MIB1: variants seen among roughly 807,000 people sequenced by gnomAD.
The protein encoded by MIB1 is MIB E3 ubiquitin protein ligase 1.
A neutral mutation model predicts 124.5 loss-of-function variants in MIB1; 278 were observed. That is an observed-to-expected ratio of 2.23 (90% CI 2.02 to 2.47). The LOEUF (loss-of-function observed/expected upper bound fraction) is 2.47, where lower values mean the gene tolerates loss of function less well. Among genes scored for constraint, MIB1 ranks in the 30% most tolerant of loss-of-function variants. The pLI is 0.00. For synonymous variants in MIB1, 446 were observed against 429.4 expected, an observed-to-expected ratio of 1.04 and a Z score of -0.48; for missense variants, 957 against 1,254.4, an observed-to-expected ratio of 0.76 and a Z score of 3.58.
At chr18:21,836,484 C>T (rs2042034159) in intron 12 of MIB1, among the ~76,000 whole-genome samples, 2 of 151,994 alleles carry the variant, frequency 1.3e-5, no homozygotes, top group South Asian at 4.1e-4. Flanking sequence ...CTGCGTCATC[C>T]CTCCTTACCC....
chr18:21,778,310 T>G, intron 5 of MIB1, 141 bp downstream of exon 5: 1 of 533,588 alleles, frequency 1.9e-6, no homozygotes, highest in South Asian at 3.0e-5. Context: ...CCTTTGGTCT[T>G]AAAGTATTTT....
chr18:21,738,831 A>C (rs1349502525), upstream of MIB1, among the ~76,000 whole-genome samples: 17 of 42,100 alleles, frequency 4.0e-4, no homozygotes, highest in African/African-American at 1.4e-3. Flanking sequence ...AAAAAAAAAA[A>C]AAAAAAAAAA....
intron 1 of MIB1, among the ~76,000 whole-genome samples, chr18:21,761,872 G>A (rs2041101443): frequency 6.6e-6 from 1 of 152,058 alleles, no homozygotes; most frequent in Admixed American, 6.6e-5. Flanking sequence ...TTCTAAGCAC[G>A]AAGCCTCAGA....
At chr18:21,760,454 A>G (rs1421866303) in intron 1 of MIB1, among the ~76,000 whole-genome samples, 2 of 152,130 alleles carry the variant, frequency 1.3e-5, no homozygotes, top group African/African-American at 2.4e-5. Flanking sequence ...CTTTGTTTAC[A>G]TTTTTCAATT....
At chr18:21,738,933 G>C (rs992768677), upstream of MIB1, among the ~76,000 whole-genome samples, 13 of 143,084 alleles carry the variant, frequency 9.1e-5, no homozygotes, top group Non-Finnish European at 1.5e-4. Context: ...AAATAACTAA[G>C]ATCAGAGCAG....
chr18:21,816,980 G>A (rs2041835248), intron 11 of MIB1, among the ~76,000 whole-genome samples: 1 of 151,886 alleles, frequency 6.6e-6, no homozygotes, highest in Non-Finnish European at 1.5e-5. Context: ...GTTGAGAGTG[G>A]TGGGTAGAGA....
chr18:21,740,586 C>G (rs2040833433), upstream of MIB1, among the ~76,000 whole-genome samples: 1 of 152,250 alleles, frequency 6.6e-6, no homozygotes, highest in Admixed American at 6.5e-5. Context: ...CCGCACAGCT[C>G]CAGCAGCCCG....
In MIB1 at chr18:21,867,439, G is replaced by A. The variant is rs142654284; in HGVS notation, c.*2773G>A. 488 of 152,568 alleles carry A rather than the reference G, an allele frequency of 3.2e-3. 1 individual carries two copies. Among genetic ancestry groups the A allele is most frequent in the Middle Eastern group, 6.8e-3 (2 of 292 alleles). The allele number at this position is 152,568 out of a possible 1,614,324, so 9.5% of individuals were successfully genotyped here. Reference sequence around the variant, plus strand: ...TGCTGTTCTAATGGTATTTGTTCACGTAATTTAACGTTCTTACTGCTTATA... The same window carrying A: ...TGCTGTTCTAATGGTATTTGTTCACATAATTTAACGTTCTTACTGCTTATA... On this transcript the variant is annotated 3_prime_UTR_variant, in exon 21 of 21. Coordinates refer to ENST00000261537, the MANE Select transcript of MIB1 (RefSeq NM_020774.4).
rs2042344624 is a variant in MIB1, at chr18:21,870,003, T to G, written c.*5337T>G. 6.6e-6 allele frequency: 1 copy of G among 152,502 alleles called. No homozygotes were observed. Among genetic ancestry groups the G allele is most frequent in the Non-Finnish European group, 1.5e-5 (1 of 67,964 alleles). The allele number at this position is 152,502 out of a possible 1,614,324, so 9.4% of individuals were successfully genotyped here. A position where few individuals can be genotyped will look rare whatever the true frequency, so the allele number is the denominator to read the frequency against. Reference sequence around the variant, plus strand: ...TCATAGCAGTGTTTTGTATTTTTTCTAATTCTTTAGCTTTCAATATTGGAT... The same window carrying G: ...TCATAGCAGTGTTTTGTATTTTTTCGAATTCTTTAGCTTTCAATATTGGAT... On this transcript the variant is annotated 3_prime_UTR_variant, in exon 21 of 21. Coordinates refer to ENST00000261537, the MANE Select transcript of MIB1 (RefSeq NM_020774.4).
Position 21,835,801 on chromosome 18 carries a change from C to CTCCACACA in MIB1, c.1830-2564_1830-2563insTCCACACA, listed in dbSNP as rs1555695315. Among the ~76,000 whole-genome samples, 383 of 101,582 alleles carry CTCCACACA rather than the reference C, an allele frequency of 3.8e-3. 4 individuals carry two copies. The highest frequency in any genetic ancestry group is 5.7e-3 in the Non-Finnish European group (312 of 54,534). The allele number at this position is 101,582 out of a possible 152,430, so 66.6% of individuals were successfully genotyped here. On this transcript the variant is annotated intron_variant, in intron 12 of 20. Coordinates refer to ENST00000261537, the MANE Select transcript of MIB1 (RefSeq NM_020774.4). ...AAAAAAAAAATATATATATATATATCCACACACACACACACACACACACAC... is the reference window on the plus strand; with the variant it reads ...AAAAAAAAAATATATATATATATATCTCCACACACACACACACACACACACACACACAC...
intron 1 of MIB1, among the ~76,000 whole-genome samples, chr18:21,709,092 G>A (rs185217501): frequency 2.8e-4 from 43 of 152,204 alleles, no homozygotes; most frequent in Non-Finnish European, 4.4e-4. Flanking sequence ...CGAGGCGGGC[G>A]GATCACGAGG....
At chr18:21,728,648 C>T (rs1370954839) in intron 1 of MIB1, among the ~76,000 whole-genome samples, 1 of 152,218 alleles carries the variant, frequency 6.6e-6, no homozygotes, top group African/African-American at 2.4e-5. Context: ...AGGGCCTCTT[C>T]TTTTTTCATT....
intron 12 of MIB1, among the ~76,000 whole-genome samples, chr18:21,822,255 G>A (rs2041885691): frequency 6.6e-6 from 1 of 152,206 alleles, no homozygotes; most frequent in Non-Finnish European, 1.5e-5. Context: ...ACTGAGAATT[G>A]AAGTGCTTAG....
chr18:21,834,596 T>G (rs1379058262), intron 12 of MIB1, among the ~76,000 whole-genome samples: 2 of 152,210 alleles, frequency 1.3e-5, no homozygotes, highest in African/African-American at 4.8e-5. Flanking sequence ...AATGACACTT[T>G]ATCTCTGTGG....
chr18:21,719,031 A>T (rs1162948841), intron 1 of MIB1, among the ~76,000 whole-genome samples: 1 of 152,070 alleles, frequency 6.6e-6, no homozygotes, highest in East Asian at 1.9e-4. Flanking sequence ...TCTACTAAAA[A>T]TACAAAATTA....
chr18:21,745,316 G>A (rs533945334), intron 1 of MIB1, among the ~76,000 whole-genome samples: 1 of 152,300 alleles, frequency 6.6e-6, no homozygotes, highest in East Asian at 1.9e-4. Context: ...AATTGGATAG[G>A]ATAATTTTTT....
chr18:21,809,397 C>T (rs575616345), intron 10 of MIB1, among the ~76,000 whole-genome samples: 1 of 152,032 alleles, frequency 6.6e-6, no homozygotes, highest in African/African-American at 2.4e-5. Flanking sequence ...GGAAGACTTC[C>T]TAACTCATTC....
At chr18:21,725,114 A>G (rs2146360929) in intron 1 of MIB1, among the ~76,000 whole-genome samples, 1 of 151,196 alleles carries the variant, frequency 6.6e-6, no homozygotes, top group African/African-American at 2.4e-5. Context: ...AAAAAAAAAA[A>G]AAGACGAATG....
chr18:21,816,043 C>T (rs1160115093), intron 11 of MIB1, among the ~76,000 whole-genome samples: 1 of 151,926 alleles, frequency 6.6e-6, no homozygotes, highest in Non-Finnish European at 1.5e-5. Context: ...AGAATGAGGA[C>T]TTCTTTGTAA....
Sources: allele counts gnomAD v4.1 joint callset (sites outside exome capture counted in the v4.1 genomes callset), GRCh38; gene constraint gnomAD v4.1.1; transcripts MANE v1.5; gene names NCBI Gene and HGNC (gene_info 2026-07-23, HGNC 2026-07-21).